Variants in DDB2 observed in about 807,000 individuals in gnomAD.
The protein encoded by DDB2 is damage specific DNA binding protein 2.
Under a neutral mutation model 50.5 loss-of-function variants are expected in DDB2, and 27 were observed. That is an observed-to-expected ratio of 0.53 (90% CI 0.39 to 0.74). The LOEUF (loss-of-function observed/expected upper bound fraction) is 0.74, where lower values mean the gene tolerates loss of function less well. DDB2 is among the 30% of genes least tolerant of loss of function. DDB2 has a pLI of 0.00. For synonymous variants in DDB2, 176 were observed against 205.5 expected (o/e 0.86, Z 1.23); for missense variants, 424 against 545.6 (o/e 0.78, Z 2.22).
At chr11:47,218,097 C>T (rs1275161726) in intron 3 of DDB2, among the ~76,000 whole-genome samples, 1 of 152,188 alleles carries the variant, frequency 6.6e-6, no homozygotes, top group Non-Finnish European at 1.5e-5. Context: ...GATTCTACCT[C>T]TTCAAAGAGG....
intron 4 of DDB2, among the ~76,000 whole-genome samples, chr11:47,233,737 A>G (rs1053463123): frequency 1.2e-4 from 18 of 151,154 alleles, no homozygotes; most frequent in Admixed American, 1.2e-3. Context: ...ATTACAGAAT[A>G]CTCGTCACTT....
At chr11:47,217,999 G>A (rs1033054692) in intron 3 of DDB2, among the ~76,000 whole-genome samples, 5 of 152,148 alleles carry the variant, frequency 3.3e-5, no homozygotes, top group Non-Finnish European at 7.4e-5. Flanking sequence ...TCCTGAAACC[G>A]GGTCTCTGTA....
chr11:47,215,822 G>T (rs562540812), intron 1 of DDB2: 3 of 265,178 alleles, frequency 1.1e-5, no homozygotes, highest in South Asian at 7.9e-5. Flanking sequence ...AATACAGTTT[G>T]GTGATCAGGA....
chr11:47,235,187 TACC>T, intron 6 of DDB2, 80 bp from the exon 7 acceptor site: 6 of 1,571,742 alleles, frequency 3.8e-6, no homozygotes, highest in Non-Finnish European at 5.3e-6. Context: ...GGAGGGAGAG[TACC>T]CCTGCAGGAG....
chr11:47,235,551 A>AC (rs1192728973), intron 7 of DDB2, 139 bp downstream of exon 7: 5 of 831,154 alleles, frequency 6.0e-6, no homozygotes, highest in Non-Finnish European at 9.8e-6. Flanking sequence ...AGCATCTCTT[A>AC]CCCATTGGCT....
intron 3 of DDB2, among the ~76,000 whole-genome samples, chr11:47,230,504 A>G (rs1447933842): frequency 6.6e-6 from 1 of 152,228 alleles, no homozygotes; most frequent in Non-Finnish European, 1.5e-5. Flanking sequence ...TAAAAGATAC[A>G]ATTGGAATAA....
chr11:47,226,705 T>C (rs1271685533), intron 3 of DDB2, among the ~76,000 whole-genome samples: 1 of 152,054 alleles, frequency 6.6e-6, no homozygotes, highest in Non-Finnish European at 1.5e-5. Flanking sequence ...TATATTTTCT[T>C]TGAAGGAATG....
rs549788260 is a variant in DDB2, at chr11:47,216,325, C to T, written c.128-11C>T. The T allele has an allele frequency of 2.5e-6, 4 of 1,614,082 alleles. No individual in the cohort carries two copies. The South Asian group carries it at 4.4e-5, about 18-fold the overall frequency. On this transcript the variant is annotated splice_polypyrimidine_tract_variant and intron_variant, in intron 1 of 9. Coordinates refer to ENST00000256996, the MANE Select transcript of DDB2 (RefSeq NM_000107.3). Reference sequence around the variant, plus strand: ...GATTGGAGAGGAAAATATGTCTGTTCTGCTTGGCAGGTCCTAGCAGAAGAT... The same window carrying T: ...GATTGGAGAGGAAAATATGTCTGTTTTGCTTGGCAGGTCCTAGCAGAAGAT...
chr11:47,221,210 G>A (rs12291341), intron 3 of DDB2, among the ~76,000 whole-genome samples: 58,441 of 151,436 alleles, frequency 0.39, 11,688 homozygotes, highest in East Asian at 0.7. Context: ...AGAGAAAAGT[G>A]TAAAAAATAA....
intron 3 of DDB2, among the ~76,000 whole-genome samples, chr11:47,224,532 G>C (rs1000848691): frequency 9.2e-5 from 14 of 152,170 alleles, no homozygotes; most frequent in African/African-American, 2.9e-4. Context: ...TTACAGGCGT[G>C]AGCCACCTTG....
At position 47,216,914 on chromosome 11, in the gene DDB2, T is replaced by A. The variant is rs758898579; in HGVS notation, c.321T>A (p.Ala107=). The A allele has an allele frequency of 1.9e-6, 3 of 1,614,040 alleles. No individual in the cohort carries two copies. In the African/African-American group the frequency reaches 4.0e-5, roughly 22 times the overall value. The change falls in exon 3 of 10, where the codon GCT becomes GCA. Residue 107 remains alanine, a synonymous_variant. Coordinates refer to ENST00000256996, the MANE Select transcript of DDB2 (RefSeq NM_000107.3). ...TLDSYRILQK[A]APFDRRATSL... is the part of the protein sequence containing the mutation. ...ATTCTTACCGGATATTACAAAAGGC[T>A]GCCCCCTTTGACAGGAGGGCTACAT...
At chr11:47,229,268 C>T (rs770993905) in intron 3 of DDB2, among the ~76,000 whole-genome samples, 3 of 151,956 alleles carry the variant, frequency 2.0e-5, no homozygotes, top group African/African-American at 2.4e-5. Context: ...TAGAGGAGGC[C>T]GGGCATGGAA....
In DDB2 at chr11:47,231,013, A is replaced by G. The variant is rs184879437; in HGVS notation, c.457-1801A>G. ...TGTGGGCATGTAATCCCAGCTACTCAGGAGGCTGAGGCAGGAGGATCACTG... is the reference window on the plus strand; with the variant it reads ...TGTGGGCATGTAATCCCAGCTACTCGGGAGGCTGAGGCAGGAGGATCACTG... On this transcript the variant is annotated intron_variant, in intron 3 of 9. Transcript: ENST00000256996. Among the ~76,000 whole-genome samples, 1,149 of 149,124 alleles carry G rather than the reference A, an allele frequency of 7.7e-3. 17 individuals carry two copies. The highest frequency in any genetic ancestry group is 0.026 in the African/African-American group (1,066 of 40,616).
At chr11:47,216,156 A>T (rs1953397063) in intron 1 of DDB2, 180 bp from the exon 2 acceptor site, 1 of 931,560 alleles carries the variant, frequency 1.1e-6, no homozygotes, top group African/African-American at 1.6e-5. Flanking sequence ...GAAGGGGCCA[A>T]ATCCTCACTC....
chr11:47,215,379 T>G, intron 1 of DDB2, 116 bp downstream of exon 1: 1 of 1,514,340 alleles, frequency 6.6e-7, no homozygotes, highest in Non-Finnish European at 9.1e-7. Context: ...CACGGGTGCC[T>G]CCGGCTGTGC....
At chr11:47,219,079 G>A (rs1953444591) in intron 3 of DDB2, among the ~76,000 whole-genome samples, 1 of 151,948 alleles carries the variant, frequency 6.6e-6, no homozygotes, top group Admixed American at 6.6e-5. Context: ...CCAGCAGCTG[G>A]GACTGCAGGT....
At chr11:47,233,507 A>G (rs894082757) in intron 4 of DDB2, 13 of 184,298 alleles carry the variant, frequency 7.1e-5, no homozygotes, top group Non-Finnish European at 1.5e-4. Context: ...GGAGTTCGAG[A>G]CCAGCCTGGC....
chr11:47,235,548 C>A, intron 7 of DDB2, 136 bp downstream of exon 7: 1 of 862,472 alleles, frequency 1.2e-6, no homozygotes, highest in South Asian at 1.5e-5. Context: ...CAGAGCATCT[C>A]TTACCCATTG....
rs565093153 is a variant in DDB2 at position 47,233,870 on chromosome 11, G to A, written c.603-703G>A. 9.2e-5 allele frequency among the ~76,000 whole-genome samples: 14 copies of A among 152,258 alleles called. No individual in the cohort carries two copies. In the South Asian group the frequency reaches 2.5e-3, roughly 27 times the overall value. ...GCAGGGATGAGGAGTGCATGCGCAC[G>A]CAAATCAGCAGGCAATTGGATAGAC... On this transcript the variant is annotated intron_variant, in intron 4 of 9. Transcript: ENST00000256996.
Sources: gnomAD v4.1 joint callset for allele counts (sites outside exome capture counted in the v4.1 genomes callset) on GRCh38, gnomAD v4.1.1 for gene constraint, MANE v1.5 for transcripts, NCBI Gene and HGNC (gene_info 2026-07-23, HGNC 2026-07-21) for gene names.